Variants in PLCE1 observed in about 807,000 individuals in gnomAD.
PLCE1 encodes the protein 1-phosphatidylinositol 4,5-bisphosphate phosphodiesterase epsilon-1.
In PLCE1, 119 loss-of-function variants were observed where a neutral mutation model predicts 242.8. The observed-to-expected ratio is 0.49, with a 90% CI of 0.42 to 0.57. The LOEUF (loss-of-function observed/expected upper bound fraction) is 0.57, where lower values mean the gene tolerates loss of function less well. Among genes scored for constraint, PLCE1 ranks in the 20% least tolerant of loss-of-function variants. PLCE1 has a pLI of 0.00. For missense variants in PLCE1, 2,441 were observed against 2,788.8 expected (o/e 0.88, Z 2.81); for synonymous variants, 945 against 1,017.4 (o/e 0.93, Z 1.35).
intron 4 of PLCE1, among the ~76,000 whole-genome samples, chr10:94,173,102 CA>C (rs1364594766): frequency 6.6e-6 from 1 of 152,158 alleles, no homozygotes; most frequent in Non-Finnish European, 1.5e-5. Context: ...CCTATCTTAT[CA>C]ATGAGAAACT....
At chr10:94,061,684 A>G (rs1232820455) in intron 2 of PLCE1, among the ~76,000 whole-genome samples, 2 of 151,934 alleles carry the variant, frequency 1.3e-5, no homozygotes, top group African/African-American at 4.8e-5. Context: ...CCTTGTCTTT[A>G]CTAAAAAAGG....
chr10:94,265,887 G>C lies in PLCE1; in HGVS notation c.4210G>C (p.Glu1404Gln). Residue 1404 changes from glutamate to glutamine, a missense_variant, in exon 16 of 33, where the codon GAA becomes CAA. This residue lies in a region of PLCE1 where 1,004 missense variants were observed against 1,322.7 expected (regional missense o/e 0.76). Transcript: ENST00000371380. Reference sequence around the variant, plus strand: ...GCTACCCCTCTCATACTATTACATCGAATCTTCGCACAATACCTACCTCAC... The same window carrying C: ...GCTACCCCTCTCATACTATTACATCCAATCTTCGCACAATACCTACCTCAC... ...LQLPLSYYYI[E>Q]SSHNTYLTGH... 6.2e-7 allele frequency: 1 copy of C among 1,613,906 alleles called. No homozygotes were observed. Among genetic ancestry groups the C allele is most frequent in the Non-Finnish European group, 8.5e-7 (1 of 1,179,922 alleles).
chr10:94,005,742 T>C (rs2061022884), intron 1 of PLCE1, among the ~76,000 whole-genome samples: 1 of 152,252 alleles, frequency 6.6e-6, no homozygotes, highest in African/African-American at 2.4e-5. Flanking sequence ...AGAACCTTAA[T>C]CAAACCACTT....
chr10:94,213,291 T>C (rs1161646304), intron 4 of PLCE1, among the ~76,000 whole-genome samples: 1 of 152,204 alleles, frequency 6.6e-6, no homozygotes, highest in Non-Finnish European at 1.5e-5. Context: ...GAAAAGATGA[T>C]GAACTTTTCA....
At chr10:94,299,046 A>C (rs2052943637) in intron 24 of PLCE1, among the ~76,000 whole-genome samples, 1 of 152,200 alleles carries the variant, frequency 6.6e-6, no homozygotes, top group South Asian at 2.1e-4. Context: ...TTGCAGTCAA[A>C]AGGTAGTGTC....
intron 3 of PLCE1, among the ~76,000 whole-genome samples, chr10:94,147,309 C>T (rs1424827498): frequency 6.6e-6 from 1 of 152,060 alleles, no homozygotes; most frequent in Admixed American, 6.6e-5. Context: ...GTAATCCCAG[C>T]TACTCGGGAG....
At position 94,268,862 on chromosome 10, in the gene PLCE1, C is replaced by A; in HGVS notation, c.4282-67C>A. The stretch of plus-strand genomic sequence containing the variant: ...ACTGCCTGATATGTAGAACTACATG[C>A]TGGGTTTAGTTCGAGGCTTTATCTC... On this transcript the variant is annotated intron_variant, in intron 16 of 32. Transcript: ENST00000371380. 5.8e-6 allele frequency: 5 copies of A among 862,160 alleles called. No individual in the cohort carries two copies. In the South Asian group the frequency reaches 6.7e-5, roughly 12 times the overall value. The allele number at this position is 862,160 out of a possible 1,614,324, so 53.4% of individuals were successfully genotyped here. A position where few individuals can be genotyped will look rare whatever the true frequency, so the allele number is the denominator to read the frequency against.
Position 94,270,481 on chromosome 10 carries a change from C to T in PLCE1, c.4390-5C>T. ...GACTCTAATGAGCTGTTTTGGCTCT[C>T]ATAGGAAGTGGTTGAAGCCATTGAT... is the stretch of plus-strand genomic sequence containing the variant. On this transcript the variant is annotated splice_polypyrimidine_tract_variant and splice_region_variant and intron_variant, in intron 17 of 32. Coordinates refer to ENST00000371380, the MANE Select transcript of PLCE1 (RefSeq NM_016341.4). 1 of 1,597,486 alleles carries T rather than the reference C, an allele frequency of 6.3e-7. No individual in the cohort carries two copies. The highest frequency in any genetic ancestry group is 8.6e-7 in the Non-Finnish European group (1 of 1,165,080).
rs772667247 is a variant in PLCE1 at position 94,237,144 on chromosome 10, C to T, written c.2420+1024C>T. ...GTTTGGGAGAAGAATGCCTTCTCCTCATACTGGATCTGGCTGAAATTCCTT... is the reference window on the plus strand; with the variant it reads ...GTTTGGGAGAAGAATGCCTTCTCCTTATACTGGATCTGGCTGAAATTCCTT... On this transcript the variant is annotated intron_variant, in intron 7 of 32. Transcript: ENST00000371380. Among the ~76,000 whole-genome samples, 54 of 152,272 alleles carry T rather than the reference C, an allele frequency of 3.5e-4. No homozygotes were observed. In the Middle Eastern group the frequency reaches 0.01, roughly 29 times the overall value.
chr10:94,324,716 T>C (rs771133093), intron 31 of PLCE1, 149 bp downstream of exon 31: 119 of 982,702 alleles, frequency 1.2e-4, no homozygotes, highest in Non-Finnish European at 1.7e-4. Flanking sequence ...TTGTTTTCAC[T>C]GTGTGAAAAA....
chr10:94,001,183 G>C (rs981189152), intron 1 of PLCE1, among the ~76,000 whole-genome samples: 1 of 152,146 alleles, frequency 6.6e-6, no homozygotes, highest in East Asian at 1.9e-4. Flanking sequence ...CATAGATAGG[G>C]TGCCTAATCT....
intron 11 of PLCE1, among the ~76,000 whole-genome samples, chr10:94,255,912 ACACT>A (rs1267491326): frequency 3.0e-3 from 260 of 87,000 alleles, no homozygotes; most frequent in East Asian, 7.9e-3. Flanking sequence ...ACACACACAC[ACACT>A]CTCTCTCTCT....
At chr10:94,182,618 T>A (rs913624281) in intron 4 of PLCE1, among the ~76,000 whole-genome samples, 1 of 152,122 alleles carries the variant, frequency 6.6e-6, no homozygotes, top group Non-Finnish European at 1.5e-5. Flanking sequence ...TTCCTTTTCT[T>A]CTTTCCTTTC....
intron 2 of PLCE1, among the ~76,000 whole-genome samples, chr10:94,033,248 A>G (rs74149562): frequency 6.6e-6 from 1 of 152,052 alleles, no homozygotes; most frequent in Admixed American, 6.6e-5. Context: ...CCTTATATTC[A>G]TAAGTATAGA....
At chr10:94,158,604 G>A (rs1041554718) in intron 3 of PLCE1, among the ~76,000 whole-genome samples, 10 of 151,892 alleles carry the variant, frequency 6.6e-5, no homozygotes, top group African/African-American at 1.5e-4. Context: ...TGTTTATCAC[G>A]GTGTTATTAT....
At position 94,227,357 on chromosome 10, in the gene PLCE1, A is replaced by G. The variant is rs775660349; in HGVS notation, c.1861A>G (p.Lys621Glu). 6.2e-7 allele frequency: 1 copy of G among 1,613,816 alleles called. No individual in the cohort carries two copies. Among genetic ancestry groups the G allele is most frequent in the Non-Finnish European group, 8.5e-7 (1 of 1,179,842 alleles). ...CCTCACGGCAGGCTCCATGGAGGAGAAGCGAGAAGTCTTTTCATATTTGGT... is the reference window on the plus strand; with the variant it reads ...CCTCACGGCAGGCTCCATGGAGGAGGAGCGAGAAGTCTTTTCATATTTGGT... ...LILTAGSMEE[K>E]REVFSYLVHV... The change falls in exon 5 of 33, where the codon AAG (lysine) becomes GAG (glutamate). Residue 621 changes from lysine (K) to glutamate (E), a missense_variant. By Grantham distance (56) the Lys-to-Glu change is moderately conservative. Around this residue, in one of 5 missense-constraint regions of PLCE1, gnomAD observed 733 missense variants for 754.2 expected, o/e 0.97. Coordinates refer to ENST00000371380, the MANE Select transcript of PLCE1 (RefSeq NM_016341.4).
chr10:94,232,308 A>T (rs2050171109), intron 5 of PLCE1, among the ~76,000 whole-genome samples: 1 of 152,206 alleles, frequency 6.6e-6, no homozygotes, highest in Non-Finnish European at 1.5e-5. Flanking sequence ...AAATTTTAAT[A>T]TCTCATTCAA....
intron 23 of PLCE1, among the ~76,000 whole-genome samples, chr10:94,294,223 T>C (rs994959277): frequency 2.0e-5 from 3 of 152,236 alleles, no homozygotes; most frequent in Admixed American, 2.0e-4. Context: ...AACATTCTAG[T>C]GGTTTCTTGG....
intron 21 of PLCE1, 141 bp from the exon 22 acceptor site, chr10:94,284,707 T>A: frequency 1.5e-6 from 1 of 646,474 alleles, no homozygotes; most frequent in Non-Finnish European, 2.8e-6. Context: ...GGAAAGCTGT[T>A]GGGACATGTA....
Sources: gnomAD v4.1 joint callset for allele counts (sites outside exome capture counted in the v4.1 genomes callset) on GRCh38, gnomAD v4.1.1 for gene constraint, gnomAD v4.1.1 regional missense constraint, MANE v1.5 for transcripts, NCBI Gene and HGNC (gene_info 2026-07-23, HGNC 2026-07-21) for gene names.